The following DNMT3B variants were observed in gnomAD, a reference collection of about 807,000 sequenced individuals.
DNMT3B encodes DNA methyltransferase 3 beta, also known as DNA (cytosine-5)-methyltransferase 3B.
In DNMT3B, 37 loss-of-function variants were observed where a neutral mutation model predicts 120.2. The ratio of observed to expected loss-of-function variants is 0.31; its 90% CI spans 0.24 to 0.40. The LOEUF (loss-of-function observed/expected upper bound fraction) is 0.40. Among genes scored for constraint, DNMT3B ranks in the 10% least tolerant of loss-of-function variants. DNMT3B has a pLI of 1.00. For synonymous variants in DNMT3B, 412 were observed against 442.8 expected (o/e 0.93, Z 0.87); for missense variants, 878 against 1,137.3 (o/e 0.77, Z 3.28).
At chr20:32,783,040 C>T (rs1164421334) in intron 3 of DNMT3B, among the ~76,000 whole-genome samples, 1 of 152,206 alleles carries the variant, frequency 6.6e-6, no homozygotes, top group East Asian at 1.9e-4. Flanking sequence ...TCCCCTGCCT[C>T]AGGCTCCCGA....
chr20:32,764,213 A>G (rs1181835612), intron 1 of DNMT3B, among the ~76,000 whole-genome samples: 1 of 152,156 alleles, frequency 6.6e-6, no homozygotes, highest in Non-Finnish European at 1.5e-5. Context: ...TGCCTTAATT[A>G]TTACATCTGT....
intron 21 of DNMT3B, among the ~76,000 whole-genome samples, chr20:32,805,906 A>T (rs566054561): frequency 2.0e-5 from 3 of 152,082 alleles, no homozygotes; most frequent in Admixed American, 2.0e-4. Context: ...GATCTCGTTC[A>T]TGGTCACTTT....
At position 32,797,287 on chromosome 20, in the gene DNMT3B, C is replaced by T. The variant is rs755018555; in HGVS notation, c.1478C>T (p.Thr493Met). 13 of 1,613,954 alleles carry T rather than the reference C, an allele frequency of 8.1e-6. No individual in the cohort carries two copies. The highest frequency in any genetic ancestry group is 5.0e-5 in the Admixed American group (3 of 60,012). The part of the protein sequence containing the change: ...EGRELLLCSN[T>M]SCCRCFCVEC... ...CGAGAGCTGCTGCTTTGCAGCAACA[C>T]GAGCTGCTGCCGGTGAGCACTGGGC... Residue 493 changes from threonine (T) to methionine (M), a missense_variant, in exon 14 of 23, where the codon ACG becomes ATG. Thr to Met is a moderately conservative substitution (Grantham distance 81). Transcript: ENST00000328111.
rs1380291324 is a variant in DNMT3B at position 32,787,426 on chromosome 20, G to A, written c.629G>A (p.Gly210Glu). 1 of 1,614,034 alleles carries A rather than the reference G, an allele frequency of 6.2e-7. No homozygotes were observed. Among genetic ancestry groups the A allele is most frequent in the Non-Finnish European group, 8.5e-7 (1 of 1,180,044 alleles). Residue 210 changes from glycine (G) to glutamate (E), a missense_variant, in exon 6 of 23, where the codon GGA becomes GAA. Physicochemically the swap from Gly to Glu is moderately conservative, Grantham distance 98 (BLOSUM62 -2). Transcript: ENST00000328111. Reference protein sequence around the residue: ...MESPQVEADSGDGDSSEYQDG... With the variant: ...MESPQVEADSEDGDSSEYQDG... Reference sequence around the variant, plus strand: ...TCCCCGCAGGTGGAGGCAGACAGTGGAGATGGAGACAGTTCAGAGTATCAG... The same window carrying A: ...TCCCCGCAGGTGGAGGCAGACAGTGAAGATGGAGACAGTTCAGAGTATCAG...
At position 32,781,426 on chromosome 20, in the gene DNMT3B, G is replaced by A. The variant is rs1978612749; in HGVS notation, c.204+12G>A. ...TAAGCTACACACAGGTATGGTCTCT[G>A]CTCTCCCTTTTTCAGGGCTCAGGGA... On this transcript the variant is annotated intron_variant, in intron 3 of 22. Coordinates refer to ENST00000328111, the MANE Select transcript of DNMT3B (RefSeq NM_006892.4). 1.2e-6 allele frequency: 2 copies of A among 1,614,052 alleles called. No individual in the cohort carries two copies. The highest frequency in any genetic ancestry group is 1.1e-5 in the South Asian group (1 of 91,090).
chr20:32,766,530 A>AT (rs1471973361), intron 1 of DNMT3B, among the ~76,000 whole-genome samples: 13 of 151,942 alleles, frequency 8.6e-5, no homozygotes, highest in Admixed American at 3.3e-4. Flanking sequence ...TTTCACTCAG[A>AT]TTTTTTCATT....
At chr20:32,787,646 CAT>C in intron 6 of DNMT3B, among the ~76,000 whole-genome samples, 195 bp downstream of exon 6, 1 of 152,330 alleles carries the variant, frequency 6.6e-6, no homozygotes, top group East Asian at 1.9e-4. Flanking sequence ...CTCTCCCAGA[CAT>C]AAGTCAAATG....
chr20:32,780,595 T>G, intron 2 of DNMT3B, 130 bp downstream of exon 2: 13 of 1,419,742 alleles, frequency 9.2e-6, no homozygotes, highest in Non-Finnish European at 1.1e-5. Context: ...AAGAGAGCTC[T>G]AGCAAGGAGG....
At position 32,787,425 on chromosome 20, in the gene DNMT3B, G is replaced by C. The variant is rs773013635; in HGVS notation, c.628G>C (p.Gly210Arg). 6.2e-7 allele frequency: 1 copy of C among 1,614,170 alleles called. No homozygotes were observed. Among genetic ancestry groups the C allele is most frequent in the Non-Finnish European group, 8.5e-7 (1 of 1,180,038 alleles). ...GTCCCCGCAGGTGGAGGCAGACAGT[G>C]GAGATGGAGACAGTTCAGAGTATCA... Reference protein sequence around the residue: ...MESPQVEADSGDGDSSEYQDG... With the variant: ...MESPQVEADSRDGDSSEYQDG... The change falls in exon 6 of 23, where the codon GGA becomes CGA. Residue 210 changes from glycine (G) to arginine (R), a missense_variant. By Grantham distance (125) the Gly-to-Arg change is moderately radical (BLOSUM62 -2). Around this residue, in one of 4 missense-constraint regions of DNMT3B, gnomAD observed 287 missense variants for 306.2 expected, o/e 0.94. Coordinates refer to ENST00000328111, the MANE Select transcript of DNMT3B (RefSeq NM_006892.4).
intron 3 of DNMT3B, among the ~76,000 whole-genome samples, chr20:32,784,392 A>G (rs1449360559): frequency 2.6e-5 from 4 of 152,196 alleles, no homozygotes; most frequent in African/African-American, 7.2e-5. Flanking sequence ...TGTTATTCCA[A>G]TTTTAAAATG....
At chr20:32,764,689 A>C (rs1987195764) in intron 1 of DNMT3B, among the ~76,000 whole-genome samples, 2 of 152,220 alleles carry the variant, frequency 1.3e-5, no homozygotes, top group Admixed American at 1.3e-4. Flanking sequence ...TGCAGAACTA[A>C]GTGAGATCCT....
At chr20:32,791,746 A>G (rs1380542805) in intron 8 of DNMT3B, 38 bp downstream of exon 8, 1 of 1,605,406 alleles carries the variant, frequency 6.2e-7, no homozygotes, top group Non-Finnish European at 8.5e-7. Flanking sequence ...AAGCCCTGAG[A>G]GCAGGGATGA....
intron 4 of DNMT3B, 146 bp from the exon 5 acceptor site, chr20:32,786,356 C>G (rs1979283247): frequency 8.6e-7 from 1 of 1,160,902 alleles, no homozygotes; most frequent in South Asian, 1.3e-5. Flanking sequence ...AGTCCAGAGT[C>G]CCACCTCATC....
rs1390290147 is a variant in DNMT3B at position 32,807,987 on chromosome 20, T to C, written c.*84T>C. Reference sequence around the variant, plus strand: ...GATTCCTGAAGGCATCCCCAGGCCCTGCTCTTCCTCAGCTGTGTGGGTCAT... The same window carrying C: ...GATTCCTGAAGGCATCCCCAGGCCCCGCTCTTCCTCAGCTGTGTGGGTCAT... On this transcript the variant is annotated 3_prime_UTR_variant, in exon 23 of 23. Coordinates refer to ENST00000328111, the MANE Select transcript of DNMT3B (RefSeq NM_006892.4). 2 of 1,608,292 alleles carry C rather than the reference T, an allele frequency of 1.2e-6. No homozygotes were observed. Among genetic ancestry groups the C allele is most frequent in the African/African-American group, 2.7e-5 (2 of 74,840 alleles).
At chr20:32,803,888 G>C (rs1981666426) in intron 20 of DNMT3B, among the ~76,000 whole-genome samples, 1 of 152,156 alleles carries the variant, frequency 6.6e-6, no homozygotes, top group Non-Finnish European at 1.5e-5. Context: ...ATTGTGCTTT[G>C]GTTCATGGTA....
At chr20:32,793,116 CCTG>C (rs1326441116) in intron 9 of DNMT3B, among the ~76,000 whole-genome samples, 1 of 111,954 alleles carries the variant, frequency 8.9e-6, no homozygotes, top group Non-Finnish European at 1.8e-5. Flanking sequence ...GAATATGCCA[CCTG>C]CTAACATTTT....
rs1276012516 is a variant in DNMT3B at position 32,762,476 on chromosome 20, GC to G, written c.-224del. On this transcript the variant is annotated 5_prime_UTR_variant, in exon 1 of 23. Coordinates refer to ENST00000328111, the MANE Select transcript of DNMT3B (RefSeq NM_006892.4). ...CGCAGCCCGCGTGGACGCTCCGAGC[GC>G]CCCCCGACGGACGGGACCGGCTCCC... 8 of 180,956 alleles carry G rather than the reference GC, an allele frequency of 4.4e-5. No individual in the cohort carries two copies. The highest frequency in any genetic ancestry group is 2.6e-4 in the South Asian group (3 of 11,502). 11.2% of individuals were successfully genotyped at this position (180,956 alleles called of 1,614,324 possible).
chr20:32,798,342 A>G, intron 14 of DNMT3B, 118 bp from the exon 15 acceptor site: 2 of 1,333,506 alleles, frequency 1.5e-6, no homozygotes, highest in Non-Finnish European at 2.1e-6. Context: ...GCTGTTAAGC[A>G]GCCGATCCTA....
At chr20:32,786,661 A>G (rs1375803073) in intron 5 of DNMT3B, 34 bp downstream of exon 5, 1 of 1,613,034 alleles carries the variant, frequency 6.2e-7, no homozygotes, top group African/African-American at 1.3e-5. Flanking sequence ...CCCTGCCCGC[A>G]GTCTCTAACT....
Sources: allele counts gnomAD v4.1 joint callset (sites outside exome capture counted in the v4.1 genomes callset), GRCh38; gene constraint gnomAD v4.1.1; regional missense constraint gnomAD v4.1.1; transcripts MANE v1.5; gene names NCBI Gene and HGNC (gene_info 2026-07-23, HGNC 2026-07-21).